EBF1: variants seen among roughly 807,000 people sequenced by gnomAD.
The protein encoded by EBF1 is EBF transcription factor 1, also known as transcription factor COE1.
Under a neutral mutation model 68.4 loss-of-function variants are expected in EBF1, and 10 were observed. That is an observed-to-expected ratio of 0.15 (90% confidence interval 0.09 to 0.25). EBF1 has a LOEUF of 0.25. Ranked by LOEUF, EBF1 falls within the 10% of genes least tolerant of loss-of-function variation. EBF1 has a pLI of 1.00. For missense variants in EBF1, 509 were observed against 794.4 expected, an observed-to-expected ratio of 0.64 and a Z score of 4.32; for synonymous variants, 298 against 299.8, an observed-to-expected ratio of 0.99 and a Z score of 0.06.
At chr5:158,795,791 C>T (rs1195557612) in intron 9 of EBF1, among the ~76,000 whole-genome samples, 1 of 152,180 alleles carries the variant, frequency 6.6e-6, no homozygotes, top group African/African-American at 2.4e-5. Flanking sequence ...CAGTCACACA[C>T]TGAGATGCTT....
chr5:158,918,632 G>A (rs1163866640), intron 6 of EBF1, among the ~76,000 whole-genome samples: 1 of 152,286 alleles, frequency 6.6e-6, no homozygotes, highest in Non-Finnish European at 1.5e-5. Flanking sequence ...TTATGATAAG[G>A]TTATCTGAGG....
intron 6 of EBF1, among the ~76,000 whole-genome samples, chr5:158,855,245 A>T (rs1051053155): frequency 1.3e-5 from 2 of 152,264 alleles, no homozygotes; most frequent in Non-Finnish European, 2.9e-5. Flanking sequence ...ACAATTTTTT[A>T]AAAACAGGCT....
chr5:158,938,462 C>T (rs1428579690), intron 6 of EBF1, among the ~76,000 whole-genome samples: 2 of 152,246 alleles, frequency 1.3e-5, no homozygotes, highest in Non-Finnish European at 2.9e-5. Context: ...TCATGCTCTT[C>T]CCATCTTTAT....
At chr5:159,077,893 C>T (rs1037523247) in intron 5 of EBF1, among the ~76,000 whole-genome samples, 20 of 151,528 alleles carry the variant, frequency 1.3e-4, no homozygotes, top group Non-Finnish European at 4.4e-5. Context: ...CAGATGCCAA[C>T]ACGCCCGGCT....
At chr5:159,073,634 G>A (rs926038714) in intron 5 of EBF1, 170 bp from the exon 6 acceptor site, 8 of 669,350 alleles carry the variant, frequency 1.2e-5, no homozygotes, top group Non-Finnish European at 2.1e-5. Context: ...TCACCTATGG[G>A]TTAATGGCCA....
At chr5:158,719,910 A>G (rs562632582) in intron 11 of EBF1, among the ~76,000 whole-genome samples, 1 of 152,036 alleles carries the variant, frequency 6.6e-6, no homozygotes, top group Non-Finnish European at 1.5e-5. Flanking sequence ...AGGAATGTAG[A>G]TTGAAACAGA....
intron 6 of EBF1, among the ~76,000 whole-genome samples, chr5:158,961,023 T>C (rs1228815920): frequency 1.3e-5 from 2 of 152,100 alleles, no homozygotes; most frequent in Non-Finnish European, 1.5e-5. Context: ...AGGGAGAAAA[T>C]GAATAGGCAA....
At chr5:158,760,019 G>A (rs1302468238) in intron 10 of EBF1, among the ~76,000 whole-genome samples, 2 of 151,964 alleles carry the variant, frequency 1.3e-5, no homozygotes, top group South Asian at 2.1e-4. Context: ...AGAATTCTTC[G>A]GGAATGAAAT....
At position 158,975,298 on chromosome 5, in the gene EBF1, CCT is replaced by C. The variant is rs574859106; in HGVS notation, c.554+98096_554+98097del. Among the ~76,000 whole-genome samples the C allele has an allele frequency of 2.8e-3, 431 of 152,234 alleles. 1 individual carries two copies. Among genetic ancestry groups the C allele is most frequent in the African/African-American group, 9.3e-3 (387 of 41,538 alleles). On this transcript the variant is annotated intron_variant, in intron 6 of 15. Coordinates refer to ENST00000313708, the MANE Select transcript of EBF1 (RefSeq NM_024007.5). ...CCCCAAAAAATATTTGAATAAGACC[CCT>C]GAGTCCTAATACTTAGTACATACCG...
chr5:159,050,118 C>T (rs141005231), intron 6 of EBF1, among the ~76,000 whole-genome samples: 6 of 151,590 alleles, frequency 4.0e-5, no homozygotes, highest in East Asian at 1.9e-4. Context: ...CAGGGGACAG[C>T]GGGGAGAGAA....
intron 6 of EBF1, among the ~76,000 whole-genome samples, chr5:158,882,979 CTT>C (rs927168305): frequency 6.6e-6 from 1 of 152,120 alleles, no homozygotes; most frequent in Non-Finnish European, 1.5e-5. Flanking sequence ...GTTAACCTCT[CTT>C]GTGTTTCTTC....
At chr5:158,879,188 T>G (rs2128084400) in intron 6 of EBF1, among the ~76,000 whole-genome samples, 1 of 152,312 alleles carries the variant, frequency 6.6e-6, no homozygotes, top group South Asian at 2.1e-4. Context: ...GGATGGTTGG[T>G]TCAGTACAGT....
chr5:158,923,223 T>C (rs1808826156), intron 6 of EBF1, among the ~76,000 whole-genome samples: 1 of 152,172 alleles, frequency 6.6e-6, no homozygotes, highest in African/African-American at 2.4e-5. Context: ...ACCCTTCCAA[T>C]GGGGGTAAAA....
chr5:159,059,696 T>G (rs1344143749), intron 6 of EBF1, among the ~76,000 whole-genome samples: 2 of 152,218 alleles, frequency 1.3e-5, no homozygotes, highest in East Asian at 3.8e-4. Flanking sequence ...TATAGATGTT[T>G]GCTTTAAAGA....
chr5:158,717,174 T>C (rs962968632), intron 11 of EBF1, among the ~76,000 whole-genome samples: 1 of 152,228 alleles, frequency 6.6e-6, no homozygotes, highest in South Asian at 2.1e-4. Flanking sequence ...ACAGGTAGTA[T>C]AAAAGATGTA....
intron 6 of EBF1, among the ~76,000 whole-genome samples, chr5:158,883,322 A>G (rs1381739465): frequency 6.8e-6 from 1 of 146,400 alleles, no homozygotes; most frequent in African/African-American, 2.6e-5. Flanking sequence ...ATACATGTGT[A>G]TATATATACA....
At chr5:158,873,982 G>T (rs1005874534) in intron 6 of EBF1, among the ~76,000 whole-genome samples, 1 of 152,152 alleles carries the variant, frequency 6.6e-6, no homozygotes, top group Non-Finnish European at 1.5e-5. Context: ...CCTGTATGAT[G>T]GAAAGAAGGC....
intron 6 of EBF1, among the ~76,000 whole-genome samples, chr5:159,038,011 G>A (rs964643004): frequency 2.0e-5 from 3 of 152,156 alleles, no homozygotes; most frequent in Non-Finnish European, 2.9e-5. Flanking sequence ...GGCAAGAGAG[G>A]CTGGCTGCCA....
chr5:158,880,397 G>C (rs1346513266), intron 6 of EBF1, among the ~76,000 whole-genome samples: 1 of 152,118 alleles, frequency 6.6e-6, no homozygotes, highest in African/African-American at 2.4e-5. Context: ...GCGGAAGAAA[G>C]AAAATTTCGA....
Sources: allele counts gnomAD v4.1 joint callset (sites outside exome capture counted in the v4.1 genomes callset), GRCh38; gene constraint gnomAD v4.1.1; transcripts MANE v1.5; gene names NCBI Gene and HGNC (gene_info 2026-07-23, HGNC 2026-07-21).